The following RNF31 variants were observed in gnomAD, a reference collection of about 807,000 sequenced individuals.
RNF31 encodes the protein ring finger protein 31.
RNF31 carries 38 observed loss-of-function variants against 133.6 expected under a neutral mutation model. The ratio of observed to expected loss-of-function variants is 0.28; its 90% CI spans 0.22 to 0.37. RNF31 has a LOEUF of 0.37. RNF31 is among the 10% of genes least tolerant of loss of function. The probability of loss-of-function intolerance (pLI) is 1.00; values close to 1 mark genes in which losing one functional copy is unlikely to be tolerated. For synonymous variants in RNF31, 582 were observed against 552.3 expected (o/e 1.05, Z -0.75); for missense variants, 1,118 against 1,394.1 (o/e 0.80, Z 3.15).
chr14:24,157,240 C>A, intron 14 of RNF31, 50 bp from the exon 15 acceptor site: 1 of 1,431,968 alleles, frequency 7.0e-7, no homozygotes, highest in Non-Finnish European at 9.5e-7. Context: ...GCAAGAAAGG[C>A]CAGGGGATGG....
At position 24,160,197 on chromosome 14, in the gene RNF31, A is replaced by G. The variant is rs944684037; in HGVS notation, c.2997-42A>G. On this transcript the variant is annotated intron_variant, in intron 19 of 20. Coordinates refer to ENST00000324103, the MANE Select transcript of RNF31 (RefSeq NM_017999.5). This position sits in a 1 kb window ranked among gnomAD's most constrained non-coding sequence, Gnocchi z 4.0. ...GCTATGTTAGACACACTCAGTTAATATTAGCCAACACAACAAATATTCTGC... is the reference window on the plus strand; with the variant it reads ...GCTATGTTAGACACACTCAGTTAATGTTAGCCAACACAACAAATATTCTGC... 1.1e-5 allele frequency: 17 copies of G among 1,586,562 alleles called. No individual in the cohort carries two copies. Among genetic ancestry groups the G allele is most frequent in the South Asian group, 2.2e-5 (2 of 89,320 alleles).
chr14:24,152,376 A>G (rs1262496905), intron 11 of RNF31, among the ~76,000 whole-genome samples: 2 of 152,134 alleles, frequency 1.3e-5, no homozygotes, highest in Non-Finnish European at 2.9e-5. Flanking sequence ...TATAGTTTAT[A>G]AATGTTTCCG....
chr14:24,147,764 G>T lies in RNF31; in HGVS notation c.66G>T (p.Arg22Ser). 6.3e-7 allele frequency: 1 copy of T among 1,574,986 alleles called. No individual in the cohort carries two copies. The change falls in exon 1 of 21, where the codon AGG (arginine) becomes AGT (serine). Residue 22 changes from arginine (R) to serine (S), a missense_variant. Physicochemically the swap from Arg to Ser is moderately radical, Grantham distance 110 (BLOSUM62 -1). Around this residue, in one of 3 missense-constraint regions of RNF31, gnomAD observed 747 missense variants for 827.9 expected, o/e 0.90. Coordinates refer to ENST00000324103, the MANE Select transcript of RNF31 (RefSeq NM_017999.5). ...GCGAGGAGCTGGCGAGCGCCCTGAG[G>T]AGGGATTCCGGGCAGGCGTTTTCCC... is the stretch of plus-strand genomic sequence containing the variant. ...VAREELASAL[R>S]RDSGQAFSLE...
Position 24,158,177 on chromosome 14 carries a change from TG to T in RNF31, c.2881del (p.Ala961ProfsTer11). 6.2e-7 allele frequency: 1 copy of T among 1,614,222 alleles called. No individual in the cohort carries two copies. The highest frequency in any genetic ancestry group is 8.5e-7 in the Non-Finnish European group (1 of 1,180,028). ...NVMFNTEPPA[G>X]ARAVPGGGCR... ...TCATGTTTAATACAGAGCCTCCAGC[TG>T]GGGCCCGGGCAGTCCCTGGAGGTGA... On this transcript the variant is annotated frameshift_variant, in exon 18 of 21. Transcript: ENST00000324103. LOFTEE classifies it high-confidence loss of function.
Position 24,155,430 on chromosome 14 carries a change from A to T in RNF31, c.2321A>T (p.Glu774Val). ...TLDIQLRESL[E>V]PDAYALFHKK... ...TGTCCCCAGCTTCGCGAGAGCCTAG[A>T]GCCAGATGCCTATGCGTTGTTCCAT... Residue 774 changes from glutamate to valine, a missense_variant, in exon 13 of 21, where the codon GAG becomes GTG. Around this residue, in one of 3 missense-constraint regions of RNF31, gnomAD observed 201 missense variants for 371.7 expected, o/e 0.54. Transcript: ENST00000324103. This position sits in a 1 kb window ranked among gnomAD's most constrained non-coding sequence, Gnocchi z 4.9. The T allele has an allele frequency of 6.2e-7, 1 of 1,614,166 alleles. No individual in the cohort carries two copies. The highest frequency in any genetic ancestry group is 8.5e-7 in the Non-Finnish European group (1 of 1,180,038).
In RNF31 at chr14:24,155,752, A is replaced by G; in HGVS notation, c.2493+60A>G. On this transcript the variant is annotated intron_variant, in intron 14 of 20. Transcript: ENST00000324103. The surrounding 1 kb of genome is among the most constrained non-coding windows in gnomAD (Gnocchi z 4.9). ...GAGCTACTGCCAGGTACTGTGTTAG[A>G]CTCAGGGGAGTTTGTGTACTGGAGA... The G allele has an allele frequency of 3.4e-6, 5 of 1,482,478 alleles. No homozygotes were observed. Among genetic ancestry groups the G allele is most frequent in the Non-Finnish European group, 4.7e-6 (5 of 1,064,362 alleles). 91.8% of individuals were successfully genotyped at this position (1,482,478 alleles called of 1,614,324 possible). A position where few individuals can be genotyped will look rare whatever the true frequency, so the allele number is the denominator to read the frequency against.
Position 24,151,105 on chromosome 14 carries a change from T to G in RNF31, c.1489-26T>G, listed in dbSNP as rs762305731. ...GCTGAGGGTGGGTGAAGGGTGCCCCTCCTGATGGGCGGGACTGTGCCTTAG... is the reference window on the plus strand; with the variant it reads ...GCTGAGGGTGGGTGAAGGGTGCCCCGCCTGATGGGCGGGACTGTGCCTTAG... On this transcript the variant is annotated intron_variant, in intron 8 of 20. Coordinates refer to ENST00000324103, the MANE Select transcript of RNF31 (RefSeq NM_017999.5). The surrounding 1 kb of genome is among the most constrained non-coding windows in gnomAD (Gnocchi z 5.3). The G allele has an allele frequency of 1.2e-6, 2 of 1,610,704 alleles. No homozygotes were observed. Among genetic ancestry groups the G allele is most frequent in the Admixed American group, 3.3e-5 (2 of 59,950 alleles).
At chr14:24,148,587 G>GT in intron 3 of RNF31, 55 bp from the exon 4 acceptor site, 1 of 1,598,938 alleles carries the variant, frequency 6.3e-7, no homozygotes, top group Admixed American at 1.7e-5. Flanking sequence ...GGCTTAGAGG[G>GT]AGGGCTTTGT....
upstream of RNF31, chr14:24,146,959 C>T (rs933761777): frequency 2.1e-5 from 6 of 289,764 alleles, no homozygotes; most frequent in East Asian, 9.5e-5. Flanking sequence ...GGGGCTCCCC[C>T]AAGAAGGCTC....
Position 24,148,112 on chromosome 14 carries a change from A to C in RNF31, c.329A>C (p.Asp110Ala). The part of the protein sequence containing the change: ...FNNPVFRSTV[D>A]AVQGGRDVLR... ...AACCCTGTCTTTCGCAGCACGGTGGATGCTGTGCAGGTGAATCCCCTGGCC... is the reference window on the plus strand; with the variant it reads ...AACCCTGTCTTTCGCAGCACGGTGGCTGCTGTGCAGGTGAATCCCCTGGCC... The change falls in exon 2 of 21, where the codon GAT (aspartate) becomes GCT (alanine). Residue 110 changes from aspartate (D) to alanine (A), a missense_variant. Around this residue, in one of 3 missense-constraint regions of RNF31, gnomAD observed 747 missense variants for 827.9 expected, o/e 0.90. Coordinates refer to ENST00000324103, the MANE Select transcript of RNF31 (RefSeq NM_017999.5). The C allele has an allele frequency of 6.2e-7, 1 of 1,614,110 alleles. No individual in the cohort carries two copies. Among genetic ancestry groups the C allele is most frequent in the Non-Finnish European group, 8.5e-7 (1 of 1,180,024 alleles).
Position 24,147,738 on chromosome 14 carries a change from C to G in RNF31, c.40C>G (p.Arg14Gly). The G allele has an allele frequency of 1.3e-6, 2 of 1,554,766 alleles. No homozygotes were observed. The highest frequency in any genetic ancestry group is 1.7e-6 in the Non-Finnish European group (2 of 1,155,264). The change falls in exon 1 of 21, where the codon CGC becomes GGC. Residue 14 changes from arginine (R) to glycine (G), a missense_variant. By Grantham distance (125) the Arg-to-Gly change is moderately radical (BLOSUM62 -2). Coordinates refer to ENST00000324103, the MANE Select transcript of RNF31 (RefSeq NM_017999.5). ...EEEERAFLVA[R>G]EELASALRRD... Reference sequence around the variant, plus strand: ...AGAGGAGCGGGCCTTCCTGGTGGCCCGCGAGGAGCTGGCGAGCGCCCTGAG... The same window carrying G: ...AGAGGAGCGGGCCTTCCTGGTGGCCGGCGAGGAGCTGGCGAGCGCCCTGAG...
rs2139079768 is a variant in RNF31 at position 24,150,642 on chromosome 14, CT to C, written c.1243del (p.Cys415ValfsTer77). On this transcript the variant is annotated frameshift_variant, in exon 8 of 21. Coordinates refer to ENST00000324103, the MANE Select transcript of RNF31 (RefSeq NM_017999.5). LOFTEE classifies it high-confidence loss of function. ...CCTCTGCCCAGAGTCAAGTCTGGTA[CT>C]GTATTCACTGTACCTTCTGCAACTC... is the stretch of plus-strand genomic sequence containing the variant. ...LASAQSQVWY[C>X]IHCTFCNSSP... The C allele has an allele frequency of 3.1e-6, 5 of 1,614,204 alleles. No individual in the cohort carries two copies. The highest frequency in any genetic ancestry group is 4.2e-6 in the Non-Finnish European group (5 of 1,180,012).
chr14:24,150,548 T>C, intron 7 of RNF31, 50 bp from the exon 8 acceptor site: 1 of 1,584,118 alleles, frequency 6.3e-7, no homozygotes, highest in South Asian at 1.1e-5. Flanking sequence ...GTATTTCTGT[T>C]GTGAACTTCA....
chr14:24,154,813 A>T, intron 11 of RNF31: 1 of 329,336 alleles, frequency 3.0e-6, no homozygotes, highest in Non-Finnish European at 5.7e-6. Context: ...CTCTTTAGTT[A>T]TACCCTTCTG....
Position 24,155,185 on chromosome 14 carries a change from C to T in RNF31, c.2159C>T (p.Thr720Ile), listed in dbSNP as rs1466039625. The T allele has an allele frequency of 1.9e-6, 3 of 1,614,164 alleles. No individual in the cohort carries two copies. The highest frequency in any genetic ancestry group is 1.7e-6 in the Non-Finnish European group (2 of 1,180,038). Residue 720 changes from threonine to isoleucine, a missense_variant, in exon 12 of 21, where the codon ACC becomes ATC. By Grantham distance (89) the Thr-to-Ile change is moderately conservative (BLOSUM62 -1). Coordinates refer to ENST00000324103, the MANE Select transcript of RNF31 (RefSeq NM_017999.5). This position sits in a 1 kb window ranked among gnomAD's most constrained non-coding sequence, Gnocchi z 4.9. ...RMQALTSCEC[T>I]ICPDCFRQHF... The stretch of plus-strand genomic sequence containing the variant: ...CAGGCCCTGACTTCCTGTGAGTGCA[C>T]CATCTGTCCTGACTGCTTCCGCCAG...
rs761430401 is a variant in RNF31 at position 24,160,369 on chromosome 14, G to A, written c.3127G>A (p.Gly1043Arg). The change falls in exon 20 of 21, where the codon GGA becomes AGA. Residue 1043 changes from glycine to arginine, a missense_variant. Around this residue, in one of 3 missense-constraint regions of RNF31, gnomAD observed 170 missense variants for 194.5 expected, o/e 0.87. Transcript: ENST00000324103. The surrounding 1 kb of genome is among the most constrained non-coding windows in gnomAD (Gnocchi z 4.0). ...GCACGTACGCCCCCAGCCTTTGGCT[G>A]GAGAGGATCCCCCTGCTTACCAGGC... Reference protein sequence around the residue: ...YLHVRPQPLAGEDPPAYQARL... With the variant: ...YLHVRPQPLAREDPPAYQARL... The A allele has an allele frequency of 2.5e-6, 4 of 1,614,166 alleles. No individual in the cohort carries two copies. Among genetic ancestry groups the A allele is most frequent in the Non-Finnish European group, 3.4e-6 (4 of 1,180,034 alleles).
intron 11 of RNF31, among the ~76,000 whole-genome samples, chr14:24,154,088 C>T (rs906242017): frequency 4.6e-5 from 7 of 152,190 alleles, no homozygotes; most frequent in African/African-American, 1.7e-4. Context: ...CTCTGCCTCC[C>T]GGTTCAAGCG....
intron 11 of RNF31, among the ~76,000 whole-genome samples, chr14:24,154,450 G>A (rs894977259): frequency 6.6e-6 from 1 of 152,060 alleles, no homozygotes; most frequent in African/African-American, 2.4e-5. Flanking sequence ...CCTAATTTTT[G>A]TATTTTTAGT....
chr14:24,158,025 A>G lies in RNF31; in HGVS notation c.2841+14A>G. The G allele has an allele frequency of 6.2e-7, 1 of 1,613,426 alleles. No individual in the cohort carries two copies. Among genetic ancestry groups the G allele is most frequent in the Non-Finnish European group, 8.5e-7 (1 of 1,179,420 alleles). On this transcript the variant is annotated intron_variant, in intron 17 of 20. Coordinates refer to ENST00000324103, the MANE Select transcript of RNF31 (RefSeq NM_017999.5). ...AAGCTGCTACAGGTCAGAGGTGGCC[A>G]GGAGAGAAGAAGACAGGGCCCAGGG...
Sources: gnomAD v4.1 joint callset for allele counts (sites outside exome capture counted in the v4.1 genomes callset) on GRCh38, gnomAD v4.1.1 for gene constraint, gnomAD v4.1.1 regional missense constraint, Gnocchi (gnomAD v3.1) non-coding constraint, MANE v1.5 for transcripts, NCBI Gene and HGNC (gene_info 2026-07-23, HGNC 2026-07-21) for gene names.